TXNRD1: variants seen among roughly 807,000 people sequenced by gnomAD.
TXNRD1 encodes the protein thioredoxin reductase 1, also known as thioredoxin reductase 1, cytoplasmic.
A neutral mutation model predicts 80.3 loss-of-function variants in TXNRD1; 57 were observed. The observed-to-expected ratio is 0.71, with a 90% CI of 0.57 to 0.89. The LOEUF is 0.89. Ranked by LOEUF, TXNRD1 falls within the 40% of genes least tolerant of loss-of-function variation. TXNRD1 has a pLI of 0.00. For missense variants in TXNRD1, 730 were observed against 803.0 expected (o/e 0.91, Z 1.10); for synonymous variants, 291 against 285.2 (o/e 1.02, Z -0.20).
At chr12:104,278,823 A>G (rs781243940) in intron 3 of TXNRD1, among the ~76,000 whole-genome samples, 8 of 152,204 alleles carry the variant, frequency 5.3e-5, no homozygotes, top group Non-Finnish European at 7.4e-5. Context: ...CTTAAAGGCC[A>G]AATTACCTTT....
At chr12:104,255,770 G>T (rs2033235510) in intron 2 of TXNRD1, among the ~76,000 whole-genome samples, 1 of 152,144 alleles carries the variant, frequency 6.6e-6, no homozygotes, top group Non-Finnish European at 1.5e-5. Flanking sequence ...TCCAGCCTGG[G>T]CAACAAAAGT....
chr12:104,221,554 G>T (rs2032359523), intron 1 of TXNRD1, among the ~76,000 whole-genome samples: 1 of 152,160 alleles, frequency 6.6e-6, no homozygotes, highest in Non-Finnish European at 1.5e-5. Context: ...CTGACCTCAG[G>T]TGATCTGCCC....
intron 1 of TXNRD1, among the ~76,000 whole-genome samples, chr12:104,245,540 A>AAAAG (rs2032962943): frequency 6.8e-6 from 1 of 147,354 alleles, no homozygotes; most frequent in Non-Finnish European, 1.5e-5. Context: ...AAAAAAAAAA[A>AAAAG]AAGAATACTG....
chr12:104,265,686 C>G lies in TXNRD1; in HGVS notation c.304+7607C>G, dbSNP rs560789783. On this transcript the variant is annotated intron_variant, in intron 3 of 16. Transcript: ENST00000525566. Reference sequence around the variant, plus strand: ...GCGCCCGAGCCCACTCCATTCAGATCATGAAGGTGGAGGAGATCGCGGCCA... The same window carrying G: ...GCGCCCGAGCCCACTCCATTCAGATGATGAAGGTGGAGGAGATCGCGGCCA... The G allele has an allele frequency of 6.1e-5, 98 of 1,604,464 alleles. No individual in the cohort carries two copies. The African/African-American group carries it at 1.2e-3, about 19-fold the overall frequency.
At chr12:104,316,297 G>A (rs1376798061) in intron 7 of TXNRD1, among the ~76,000 whole-genome samples, 1 of 151,672 alleles carries the variant, frequency 6.6e-6, no homozygotes, top group African/African-American at 2.4e-5. Flanking sequence ...GTTTGTTCAG[G>A]AGGGGGTGGT....
chr12:104,311,568 G>A (rs2035133893), intron 5 of TXNRD1, among the ~76,000 whole-genome samples, 156 bp downstream of exon 5: 1 of 152,146 alleles, frequency 6.6e-6, no homozygotes, highest in Non-Finnish European at 1.5e-5. Context: ...CATCGTAAGG[G>A]ACCACTTTAT....
At position 104,310,164 on chromosome 12, in the gene TXNRD1, G is replaced by A. The variant is rs1180229241; in HGVS notation, c.415-1126G>A. 4.3e-6 allele frequency: 6 copies of A among 1,383,834 alleles called. 1 individual carries two copies. The African/African-American group carries it at 6.8e-5, about 16-fold the overall frequency. 85.7% of individuals were successfully genotyped at this position (1,383,834 alleles called of 1,614,324 possible). ...TTTTTGTTTGTTTGTTTTTTAAAAT[G>A]AGATGGAGTCTCACTCTGTGAGACT... On this transcript the variant is annotated intron_variant, in intron 4 of 16. Coordinates refer to ENST00000525566, the MANE Select transcript of TXNRD1 (RefSeq NM_001093771.3).
intron 3 of TXNRD1, chr12:104,287,367 T>A: frequency 6.2e-7 from 1 of 1,614,022 alleles, no homozygotes; most frequent in Non-Finnish European, 8.5e-7. Flanking sequence ...CCGGCGCCTG[T>A]AGGCTGGCGG....
intron 3 of TXNRD1, among the ~76,000 whole-genome samples, chr12:104,276,898 T>C (rs182244687): frequency 6.6e-6 from 1 of 152,318 alleles, no homozygotes; most frequent in East Asian, 1.9e-4. Flanking sequence ...CATTAAGTGA[T>C]GGTTCTAAGA....
intron 16 of TXNRD1, among the ~76,000 whole-genome samples, chr12:104,343,570 C>T (rs1489626700): frequency 2.6e-5 from 4 of 151,984 alleles, no homozygotes; most frequent in Admixed American, 6.6e-5. Flanking sequence ...GAGCCTGAGG[C>T]GAGTGGATCA....
At chr12:104,300,858 C>T (rs1403511099) in intron 4 of TXNRD1, among the ~76,000 whole-genome samples, 2 of 152,128 alleles carry the variant, frequency 1.3e-5, no homozygotes, top group African/African-American at 4.8e-5. Flanking sequence ...ATTGATCAGG[C>T]TGGTCTCAAA....
chr12:104,235,349 C>CGGATGTGCGTTACAGATTGGGAAT (rs2032715586), intron 1 of TXNRD1, among the ~76,000 whole-genome samples: 1 of 151,800 alleles, frequency 6.6e-6, no homozygotes, highest in Non-Finnish European at 1.5e-5. Flanking sequence ...AGATTGGGAA[C>CGGATGTGCGTTACAGATTGGGAAT]GGATGTGCGT....
chr12:104,236,178 C>T (rs182835506), intron 1 of TXNRD1, among the ~76,000 whole-genome samples: 2 of 152,170 alleles, frequency 1.3e-5, no homozygotes, highest in Admixed American at 6.5e-5. Context: ...ACTGTAAATC[C>T]GACTCCTCCC....
chr12:104,248,564 G>T (rs558762419), intron 1 of TXNRD1, among the ~76,000 whole-genome samples: 46 of 152,274 alleles, frequency 3.0e-4, no homozygotes, highest in Admixed American at 1.8e-3. Context: ...AATTACGGGC[G>T]GGTGTGAGCC....
chr12:104,291,078 G>T (rs1420594653), intron 4 of TXNRD1: 15 of 680,866 alleles, frequency 2.2e-5, no homozygotes, highest in Non-Finnish European at 4.0e-5. Context: ...TAAAGTGCTG[G>T]GACTGCAGGT....
chr12:104,327,754 C>T (rs911024863), intron 13 of TXNRD1, 83 bp downstream of exon 13: 87 of 1,453,648 alleles, frequency 6.0e-5, no homozygotes, highest in African/African-American at 1.8e-4. Flanking sequence ...TGGGAAGTTT[C>T]GCAGATCTTG....
chr12:104,234,638 GAAAAAA>G (rs33956129), intron 1 of TXNRD1, among the ~76,000 whole-genome samples: 1 of 125,926 alleles, frequency 7.9e-6, no homozygotes, highest in Non-Finnish European at 1.6e-5. Flanking sequence ...TAAAGTCAGG[GAAAAAA>G]AAAAAAAAAA....
chr12:104,250,657 A>T (rs1291247671), intron 1 of TXNRD1, among the ~76,000 whole-genome samples: 1 of 152,142 alleles, frequency 6.6e-6, no homozygotes, highest in Non-Finnish European at 1.5e-5. Context: ...ATAAACATTA[A>T]CCCTCTGTCT....
intron 16 of TXNRD1, among the ~76,000 whole-genome samples, chr12:104,339,642 G>A (rs2036256970): frequency 6.6e-6 from 1 of 152,174 alleles, no homozygotes; most frequent in African/African-American, 2.4e-5. Context: ...TTCAGCTTAT[G>A]GTATCAGTGA....
Sources: gnomAD v4.1 joint callset for allele counts (sites outside exome capture counted in the v4.1 genomes callset) on GRCh38, gnomAD v4.1.1 for gene constraint, MANE v1.5 for transcripts, NCBI Gene and HGNC (gene_info 2026-07-23, HGNC 2026-07-21) for gene names.